The following NRCAM variants were observed in gnomAD, a reference collection of about 807,000 sequenced individuals.
The protein encoded by NRCAM is NgCAM-related cell adhesion molecule.
NRCAM carries 83 observed loss-of-function variants against 156.5 expected under a neutral mutation model. The ratio of observed to expected loss-of-function variants is 0.53; its 90% CI spans 0.44 to 0.64. The LOEUF is 0.64. NRCAM is among the 30% of genes least tolerant of loss of function. The probability of loss-of-function intolerance (pLI) is 0.00; values close to 1 mark genes in which losing one functional copy is unlikely to be tolerated. For missense variants in NRCAM, 1,417 were observed against 1,597.3 expected (o/e 0.89, Z 1.92); for synonymous variants, 538 against 563.9 (o/e 0.95, Z 0.65).
chr7:108,290,495 G>T (rs1041668384), intron 3 of NRCAM, among the ~76,000 whole-genome samples: 1 of 152,118 alleles, frequency 6.6e-6, no homozygotes, highest in Admixed American at 6.6e-5. Flanking sequence ...GAATCATTTA[G>T]ATCCTTAAAA....
intron 1 of NRCAM, among the ~76,000 whole-genome samples, chr7:108,439,766 G>C (rs915127269): frequency 2.7e-5 from 4 of 146,948 alleles, no homozygotes; most frequent in African/African-American, 1.0e-4. Context: ...CCCGGAGGCA[G>C]AGGTTGCAGT....
At chr7:108,340,079 T>G (rs2099257939) in intron 2 of NRCAM, among the ~76,000 whole-genome samples, 1 of 152,096 alleles carries the variant, frequency 6.6e-6, no homozygotes, top group African/African-American at 2.4e-5. Context: ...CAACTCGCAA[T>G]TATGTAAAAA....
chr7:108,423,467 T>C (rs1241773300), intron 1 of NRCAM, among the ~76,000 whole-genome samples: 2 of 152,040 alleles, frequency 1.3e-5, no homozygotes, highest in Admixed American at 6.6e-5. Flanking sequence ...CATGAGTGAA[T>C]GACGAGATAA....
At chr7:108,316,974 T>C (rs2098933836) in intron 2 of NRCAM, among the ~76,000 whole-genome samples, 1 of 152,296 alleles carries the variant, frequency 6.6e-6, no homozygotes, top group East Asian at 1.9e-4. Flanking sequence ...AGAGCTAATA[T>C]GTGTCACTTC....
intron 1 of NRCAM, among the ~76,000 whole-genome samples, chr7:108,419,101 T>C (rs1237346140): frequency 2.6e-5 from 4 of 152,190 alleles, no homozygotes; most frequent in African/African-American, 9.6e-5. Flanking sequence ...TTTCCTTTCA[T>C]TGCCATCTGA....
chr7:108,182,659 T>C (rs1035350087), intron 23 of NRCAM, 36 bp downstream of exon 23: 1 of 1,595,176 alleles, frequency 6.3e-7, no homozygotes, highest in Non-Finnish European at 8.6e-7. Context: ...GGTAAGTCTG[T>C]TTTGCTGGGG....
At chr7:108,183,237 T>A (rs1270972134) in intron 22 of NRCAM, among the ~76,000 whole-genome samples, 13 of 152,210 alleles carry the variant, frequency 8.5e-5, no homozygotes, top group Admixed American at 8.5e-4. Flanking sequence ...GAATCCTTTT[T>A]ATATTCCTGT....
intron 12 of NRCAM, among the ~76,000 whole-genome samples, chr7:108,208,792 A>G (rs554153933): frequency 6.6e-6 from 1 of 152,214 alleles, no homozygotes; most frequent in Non-Finnish European, 1.5e-5. Context: ...AAAGGTAATG[A>G]ACCCTTCTAC....
At chr7:108,439,018 G>T (rs945237743) in intron 1 of NRCAM, among the ~76,000 whole-genome samples, 2 of 152,122 alleles carry the variant, frequency 1.3e-5, no homozygotes, top group African/African-American at 4.8e-5. Context: ...TGGAAGATTT[G>T]ATATTAAGGT....
At chr7:108,249,664 G>A (rs773476901) in intron 3 of NRCAM, among the ~76,000 whole-genome samples, 2 of 152,158 alleles carry the variant, frequency 1.3e-5, no homozygotes, top group Non-Finnish European at 2.9e-5. Flanking sequence ...CTCTGTGAAA[G>A]GTAAGTACAC....
intron 1 of NRCAM, among the ~76,000 whole-genome samples, chr7:108,424,653 C>T (rs9656149): frequency 0.9 from 137,064 of 152,216 alleles, 62,151 homozygotes; most frequent in East Asian, 1. Context: ...TTCTCAAAGG[C>T]GCCTGAGTGA....
chr7:108,421,512 G>A (rs1298776517), intron 1 of NRCAM, among the ~76,000 whole-genome samples: 1 of 152,086 alleles, frequency 6.6e-6, no homozygotes, highest in Non-Finnish European at 1.5e-5. Context: ...GAATGTGAAT[G>A]CATTTTGTAG....
intron 1 of NRCAM, among the ~76,000 whole-genome samples, chr7:108,410,694 C>T (rs2154411375): frequency 6.6e-6 from 1 of 152,284 alleles, no homozygotes; most frequent in Admixed American, 6.5e-5. Flanking sequence ...CAGGTCACCT[C>T]GTGAGGGTCA....
At chr7:108,430,054 G>A (rs924586138) in intron 1 of NRCAM, among the ~76,000 whole-genome samples, 2 of 152,170 alleles carry the variant, frequency 1.3e-5, no homozygotes, top group South Asian at 2.1e-4. Context: ...TGGTGTGGTC[G>A]AGGCTGGGCA....
intron 1 of NRCAM, among the ~76,000 whole-genome samples, chr7:108,405,595 T>G (rs1025640666): frequency 6.6e-6 from 1 of 152,236 alleles, no homozygotes; most frequent in Non-Finnish European, 1.5e-5. Context: ...TTTCTGACCC[T>G]GTTGTGGCAT....
At chr7:108,349,852 T>G (rs2099398883) in intron 2 of NRCAM, among the ~76,000 whole-genome samples, 1 of 152,160 alleles carries the variant, frequency 6.6e-6, no homozygotes, top group Non-Finnish European at 1.5e-5. Flanking sequence ...AGAAACAGAT[T>G]ATACATACTG....
chr7:108,337,947 C>T (rs1046309993), intron 2 of NRCAM, among the ~76,000 whole-genome samples: 26 of 152,272 alleles, frequency 1.7e-4, no homozygotes, highest in African/African-American at 5.1e-4. Flanking sequence ...GGACACCTGT[C>T]GGCCGGTTAA....
intron 3 of NRCAM, among the ~76,000 whole-genome samples, chr7:108,312,236 A>G (rs1321518587): frequency 6.6e-6 from 1 of 152,200 alleles, no homozygotes; most frequent in Non-Finnish European, 1.5e-5. Context: ...AGACAAGAAA[A>G]ATCACTAATG....
chr7:108,414,775 C>A (rs77717640), intron 1 of NRCAM, among the ~76,000 whole-genome samples: 1 of 152,126 alleles, frequency 6.6e-6, no homozygotes, highest in African/African-American at 2.4e-5. Context: ...CTTAAAAAAA[C>A]GCTGGGAAGA....
Sources: gnomAD v4.1 joint callset for allele counts (sites outside exome capture counted in the v4.1 genomes callset) on GRCh38, gnomAD v4.1.1 for gene constraint, MANE v1.5 for transcripts, NCBI Gene and HGNC (gene_info 2026-07-23, HGNC 2026-07-21) for gene names.